SPATA6L: variants seen among roughly 807,000 people sequenced by gnomAD.
The protein encoded by SPATA6L is spermatogenesis associated 6 like, also known as spermatogenesis associated 6-like protein.
In SPATA6L, 68 loss-of-function variants were observed where a neutral mutation model predicts 49.2. The observed-to-expected ratio is 1.38, with a 90% CI of 1.14 to 1.69. SPATA6L has a LOEUF of 1.69. Among genes scored for constraint, SPATA6L ranks in the 40% most tolerant of loss-of-function variants. The probability of loss-of-function intolerance (pLI) is 0.00; values close to 1 mark genes in which losing one functional copy is unlikely to be tolerated. For synonymous variants in SPATA6L, 198 were observed against 165.7 expected (o/e 1.19, Z -1.50); for missense variants, 668 against 464.3 (o/e 1.44, Z -4.03).
chr9:4,638,578 C>G (rs1833326523), intron 3 of SPATA6L, among the ~76,000 whole-genome samples: 1 of 151,908 alleles, frequency 6.6e-6, no homozygotes, highest in African/African-American at 2.4e-5. Flanking sequence ...CTTCTTCAAC[C>G]ATGCTCCTCT....
intron 3 of SPATA6L, among the ~76,000 whole-genome samples, chr9:4,650,655 T>C (rs138121630): frequency 8.6e-4 from 131 of 152,226 alleles, no homozygotes; most frequent in African/African-American, 2.9e-3. Flanking sequence ...TTTACAGAAA[T>C]AATTTTTTGT....
chr9:4,636,724 CCTA>C (rs1205762822), intron 3 of SPATA6L, among the ~76,000 whole-genome samples: 1 of 152,180 alleles, frequency 6.6e-6, no homozygotes, highest in Non-Finnish European at 1.5e-5. Context: ...AATTCTTCCT[CCTA>C]CTAACTCCAT....
rs1430345344 is a variant in SPATA6L, at chr9:4,629,106, A to G, written c.414T>C (p.His138=). 1 of 1,606,680 alleles carries G rather than the reference A, an allele frequency of 6.2e-7. No individual in the cohort carries two copies. The highest frequency in any genetic ancestry group is 8.5e-7 in the Non-Finnish European group (1 of 1,174,606). Reference sequence around the variant, plus strand: ...TTGTACTTACAAGAAATCTGTTTCTATGCAGAAACACACATTCTCTGATGG... The same window carrying G: ...TTGTACTTACAAGAAATCTGTTTCTGTGCAGAAACACACATTCTCTGATGG... ...RTAIRECVFL[H]RNRFLEERHE... The change falls in exon 5 of 12, where the codon CAT becomes CAC. Residue 138 remains histidine, a synonymous_variant. Transcript: ENST00000682582.
chr9:4,656,201 G>C (rs1587490246), intron 2 of SPATA6L, 112 bp from the exon 3 acceptor site: 1 of 783,956 alleles, frequency 1.3e-6, no homozygotes, highest in Non-Finnish European at 2.1e-6. Flanking sequence ...CACTTTGGGA[G>C]GCCGAGGTGG....
chr9:4,589,647 T>C (rs1055098229), intron 13 of SPATA6L, among the ~76,000 whole-genome samples: 1 of 152,218 alleles, frequency 6.6e-6, no homozygotes, highest in Non-Finnish European at 1.5e-5. Flanking sequence ...TTGAGATGCT[T>C]GGGCTGTGTG....
At chr9:4,631,041 G>A (rs539002477) in intron 4 of SPATA6L, among the ~76,000 whole-genome samples, 1 of 152,282 alleles carries the variant, frequency 6.6e-6, no homozygotes, top group East Asian at 1.9e-4. Context: ...AGTGAAGGAA[G>A]GAAGTCCCCT....
chr9:4,635,746 G>A (rs12353507), intron 3 of SPATA6L, among the ~76,000 whole-genome samples: 22,102 of 152,078 alleles, frequency 0.15, 2,587 homozygotes, highest in East Asian at 0.33. Flanking sequence ...ACAGGAACAA[G>A]GTGGACATAG....
At chr9:4,638,928 A>C (rs1417306808) in intron 3 of SPATA6L, among the ~76,000 whole-genome samples, 1 of 151,744 alleles carries the variant, frequency 6.6e-6, no homozygotes, top group East Asian at 1.9e-4. Context: ...GGGACTACAG[A>C]CGCGCACCAC....
At chr9:4,663,226 A>G in intron 1 of SPATA6L, 1 of 1,613,636 alleles carries the variant, frequency 6.2e-7, no homozygotes, top group Non-Finnish European at 8.5e-7. Context: ...TCACCCCATA[A>G]TGCTCCGGTC....
intron 6 of SPATA6L, among the ~76,000 whole-genome samples, chr9:4,624,749 T>C (rs1477000110): frequency 7.2e-6 from 1 of 138,934 alleles, no homozygotes; most frequent in African/African-American, 2.7e-5. Context: ...AAAAAAAAAA[T>C]GTAAAGAGAC....
intron 9 of SPATA6L, among the ~76,000 whole-genome samples, chr9:4,615,195 T>C (rs578065894): frequency 1.3e-5 from 2 of 152,378 alleles, no homozygotes; most frequent in Admixed American, 1.3e-4. Flanking sequence ...CCTTCTTCTT[T>C]ATACTCCAGT....
At chr9:4,608,040 G>A (rs916507371) in intron 9 of SPATA6L, among the ~76,000 whole-genome samples, 1 of 148,584 alleles carries the variant, frequency 6.7e-6, no homozygotes, top group Admixed American at 6.7e-5. Context: ...GATCAAAAGA[G>A]ACAAAGAAGG....
intron 7 of SPATA6L, among the ~76,000 whole-genome samples, chr9:4,619,425 T>G (rs540610805): frequency 6.6e-6 from 1 of 152,296 alleles, no homozygotes; most frequent in African/African-American, 2.4e-5. Flanking sequence ...CCCAAAGTCC[T>G]GGGATTACAG....
chr9:4,608,919 A>C (rs889332759), intron 9 of SPATA6L, among the ~76,000 whole-genome samples: 4 of 152,206 alleles, frequency 2.6e-5, no homozygotes, highest in Non-Finnish European at 5.9e-5. Flanking sequence ...AAAGAAAAAA[A>C]GAGAGAAGAA....
chr9:4,640,964 A>T (rs1026670215), intron 3 of SPATA6L, among the ~76,000 whole-genome samples: 1 of 152,242 alleles, frequency 6.6e-6, no homozygotes, highest in African/African-American at 2.4e-5. Flanking sequence ...ACCTTTTCAC[A>T]GATGGGCTTC....
At chr9:4,625,180 C>A in intron 6 of SPATA6L, 147 bp downstream of exon 6, 1 of 1,359,456 alleles carries the variant, frequency 7.4e-7, no homozygotes, top group South Asian at 1.7e-5. Context: ...AGGAAATGAA[C>A]ATAATTTAAT....
At chr9:4,652,149 G>A (rs769893416) in intron 3 of SPATA6L, among the ~76,000 whole-genome samples, 18 of 152,256 alleles carry the variant, frequency 1.2e-4, no homozygotes, top group African/African-American at 2.9e-4. Context: ...GGCCAGGCGC[G>A]GTGGCTAACG....
At chr9:4,655,634 C>T (rs369610443) in intron 3 of SPATA6L, among the ~76,000 whole-genome samples, 2 of 151,908 alleles carry the variant, frequency 1.3e-5, no homozygotes, top group South Asian at 2.1e-4. Flanking sequence ...CTGTAACCTC[C>T]GCCTCCCAGG....
chr9:4,607,447 T>C (rs963521936), intron 9 of SPATA6L, among the ~76,000 whole-genome samples: 17 of 152,316 alleles, frequency 1.1e-4, no homozygotes, highest in South Asian at 2.1e-4. Context: ...GCGGATCTCT[T>C]GGCAGAAACC....
Sources: gnomAD v4.1 joint callset for allele counts (sites outside exome capture counted in the v4.1 genomes callset) on GRCh38, gnomAD v4.1.1 for gene constraint, MANE v1.5 for transcripts, NCBI Gene and HGNC (gene_info 2026-07-23, HGNC 2026-07-21) for gene names.